AFG3L2: variants seen among roughly 807,000 people sequenced by gnomAD.
The protein encoded by AFG3L2 is AFG3 like matrix AAA peptidase subunit 2.
A neutral mutation model predicts 94.5 loss-of-function variants in AFG3L2; 54 were observed. The observed-to-expected ratio is 0.57, with a 90% CI of 0.46 to 0.72. AFG3L2 has a LOEUF of 0.72. Among genes scored for constraint, AFG3L2 ranks in the 30% least tolerant of loss-of-function variants. The pLI is 0.00. For synonymous variants in AFG3L2, 377 were observed against 365.5 expected (o/e 1.03, Z -0.36); for missense variants, 754 against 994.9 (o/e 0.76, Z 3.26).
chr18:12,365,735 C>A (rs954461621), intron 5 of AFG3L2, among the ~76,000 whole-genome samples: 1 of 152,196 alleles, frequency 6.6e-6, no homozygotes, highest in Non-Finnish European at 1.5e-5. Flanking sequence ...ATTCTTTACA[C>A]TACCTCAGTA....
intron 16 of AFG3L2, among the ~76,000 whole-genome samples, chr18:12,332,932 C>CTATATAATATAATATATATTA (rs1282089860): frequency 8.8e-6 from 1 of 113,046 alleles, no homozygotes; most frequent in Non-Finnish European, 1.7e-5. Flanking sequence ...ATAACATATA[C>CTATATAATATAATATATATTA]TATATAACAT....
chr18:12,372,934 T>C (rs1287623181), intron 1 of AFG3L2, among the ~76,000 whole-genome samples: 1 of 152,140 alleles, frequency 6.6e-6, no homozygotes, highest in Non-Finnish European at 1.5e-5. Context: ...CTTTCTGGAG[T>C]GCTGAAAATG....
At chr18:12,365,535 G>A (rs1489709503) in intron 5 of AFG3L2, among the ~76,000 whole-genome samples, 4 of 152,210 alleles carry the variant, frequency 2.6e-5, no homozygotes, top group Non-Finnish European at 4.4e-5. Context: ...CAATGGTACA[G>A]GCAGGATCTG....
intron 13 of AFG3L2, among the ~76,000 whole-genome samples, chr18:12,346,230 C>T (rs1239387256): frequency 6.6e-6 from 1 of 152,116 alleles, no homozygotes; most frequent in African/African-American, 2.4e-5. Context: ...CCTTTCTCTC[C>T]TCTTACCAAA....
rs115755270 is a variant in AFG3L2, at chr18:12,375,430, A to C, written c.114+1539T>G. On this transcript the variant is annotated intron_variant, in intron 1 of 16. Transcript: ENST00000269143. ...AGGTAAGAAAAAAAAAAAAAAAACAATTTGTAGAGGCCAGGAGCTGTGGCT... is the reference window on the plus strand; with the variant it reads ...AGGTAAGAAAAAAAAAAAAAAAACACTTTGTAGAGGCCAGGAGCTGTGGCT... Among the ~76,000 whole-genome samples, 625 of 151,342 alleles carry C rather than the reference A, an allele frequency of 4.1e-3. 7 individuals are homozygous for C. The highest frequency in any genetic ancestry group is 0.014 in the African/African-American group (563 of 41,154).
At chr18:12,344,097 T>C (rs1223548646) in intron 14 of AFG3L2, 35 bp downstream of exon 14, 4 of 1,558,014 alleles carry the variant, frequency 2.6e-6, no homozygotes, top group Non-Finnish European at 3.5e-6. Flanking sequence ...TGCTCACCCA[T>C]GCACTGGCTG....
chr18:12,337,318 T>G (rs1338397824), intron 16 of AFG3L2, 23 bp downstream of exon 16: 17 of 1,609,856 alleles, frequency 1.1e-5, no homozygotes, highest in African/African-American at 2.7e-5. Flanking sequence ...CTGTAAAGAA[T>G]TATTCCCACA....
At chr18:12,365,865 T>C (rs1451036399) in intron 5 of AFG3L2, among the ~76,000 whole-genome samples, 1 of 146,306 alleles carries the variant, frequency 6.8e-6, no homozygotes, top group Admixed American at 7.0e-5. Flanking sequence ...CTACACTGCA[T>C]CAATTCTTTT....
In AFG3L2 at chr18:12,352,990, G is replaced by A. The variant is rs946966535; in HGVS notation, c.1318+15C>T. The stretch of plus-strand genomic sequence containing the variant: ...CAAAAGTGCAGTTAAAGATACAAAA[G>A]CCTTGACCACTCACCATCCATCTCC... On this transcript the variant is annotated intron_variant, in intron 10 of 16. Transcript: ENST00000269143. 11 of 1,612,274 alleles carry A rather than the reference G, an allele frequency of 6.8e-6. No homozygotes were observed. The highest frequency in any genetic ancestry group is 5.0e-5 in the Admixed American group (3 of 59,874).
intron 16 of AFG3L2, among the ~76,000 whole-genome samples, chr18:12,332,237 C>A (rs2143085665): frequency 6.6e-6 from 1 of 150,748 alleles, no homozygotes; most frequent in East Asian, 2.0e-4. Flanking sequence ...GATTCTCCTG[C>A]CTCAGCCTCC....
intron 13 of AFG3L2, 24 bp from the exon 14 acceptor site, chr18:12,344,271 C>A: frequency 6.3e-7 from 1 of 1,584,884 alleles, no homozygotes; most frequent in South Asian, 1.1e-5. Flanking sequence ...AACAAAAAAA[C>A]CCAAGCCATT....
intron 14 of AFG3L2, chr18:12,342,221 T>C (rs1907975803): frequency 6.6e-6 from 1 of 152,156 alleles, no homozygotes; most frequent in Non-Finnish European, 1.5e-5. Context: ...CATATCCTTA[T>C]CAACAATGAA....
chr18:12,331,743 A>G (rs140214386), intron 16 of AFG3L2, among the ~76,000 whole-genome samples: 95 of 134,660 alleles, frequency 7.1e-4, no homozygotes, highest in African/African-American at 2.4e-3. Context: ...GCAGTGAGCC[A>G]AGATGGAGGC....
intron 16 of AFG3L2, among the ~76,000 whole-genome samples, chr18:12,330,517 C>T (rs1907488278): frequency 1.3e-5 from 2 of 152,114 alleles, no homozygotes; most frequent in African/African-American, 4.8e-5. Flanking sequence ...GTGGCTCACA[C>T]CTGTAATCCC....
rs1255318384 is a variant in AFG3L2, at chr18:12,340,277, T to G, written c.1904A>C (p.Glu635Ala). ...MCMTLGGRVS[E>A]EIFFGRITTG... ...TGTAATTCTTCCAAAGAAGATTTCT[T>G]CAGAGACTCGACCACCTAAAGTCAT... The change falls in exon 15 of 17, where the codon GAA (glutamate) becomes GCA (alanine). Residue 635 changes from glutamate (E) to alanine (A), a missense_variant. Coordinates refer to ENST00000269143, the MANE Select transcript of AFG3L2 (RefSeq NM_006796.3). The G allele has an allele frequency of 6.2e-7, 1 of 1,614,100 alleles. No homozygotes were observed. Among genetic ancestry groups the G allele is most frequent in the Non-Finnish European group, 8.5e-7 (1 of 1,180,044 alleles).
chr18:12,337,094 G>A, intron 16 of AFG3L2: 1 of 607,956 alleles, frequency 1.6e-6, no homozygotes, highest in Non-Finnish European at 2.9e-6. Context: ...GTTACTGACA[G>A]ACTTCATTAA....
chr18:12,360,083 ATGTAGT>A, intron 6 of AFG3L2, 32 bp from the exon 7 acceptor site: 1 of 1,609,220 alleles, frequency 6.2e-7, no homozygotes. Flanking sequence ...TATCCTAAGA[ATGTAGT>A]GAAACTAAAA....
At chr18:12,365,637 G>T (rs1313642358) in intron 5 of AFG3L2, among the ~76,000 whole-genome samples, 1 of 152,148 alleles carries the variant, frequency 6.6e-6, no homozygotes, top group Non-Finnish European at 1.5e-5. Context: ...GTCAACTTCA[G>T]CTCTTAGCAC....
At chr18:12,347,644 G>A (rs765761869) in intron 13 of AFG3L2, among the ~76,000 whole-genome samples, 4 of 151,532 alleles carry the variant, frequency 2.6e-5, no homozygotes, top group African/African-American at 9.7e-5. Flanking sequence ...TCTGCCTCCC[G>A]GGTTCAAGCG....
Sources: gnomAD v4.1 joint callset for allele counts (sites outside exome capture counted in the v4.1 genomes callset) on GRCh38, gnomAD v4.1.1 for gene constraint, MANE v1.5 for transcripts, NCBI Gene and HGNC (gene_info 2026-07-23, HGNC 2026-07-21) for gene names.